MYRIP: variants seen among roughly 807,000 people sequenced by gnomAD.
MYRIP encodes the protein myosin VIIA and Rab interacting protein.
In MYRIP, 49 loss-of-function variants were observed where a neutral mutation model predicts 98.0. The observed-to-expected ratio is 0.50, with a 90% CI of 0.40 to 0.63. The LOEUF (loss-of-function observed/expected upper bound fraction) is 0.63, where lower values mean the gene tolerates loss of function less well. MYRIP is among the 30% of genes least tolerant of loss of function. The probability of loss-of-function intolerance (pLI) is 0.00; values close to 1 mark genes in which losing one functional copy is unlikely to be tolerated. For missense variants in MYRIP, 1,004 were observed against 1,058.2 expected, an observed-to-expected ratio of 0.95 and a Z score of 0.71; for synonymous variants, 404 against 409.5, an observed-to-expected ratio of 0.99 and a Z score of 0.16.
chr3:40,160,552 C>T (rs536371355), intron 4 of MYRIP, among the ~76,000 whole-genome samples: 1 of 152,320 alleles, frequency 6.6e-6, no homozygotes, highest in African/African-American at 2.4e-5. Context: ...GCTTTGTTTA[C>T]CTAAGTAAGC....
intron 8 of MYRIP, among the ~76,000 whole-genome samples, chr3:40,179,845 C>T (rs1451235429): frequency 1.3e-5 from 2 of 152,196 alleles, no homozygotes; most frequent in African/African-American, 4.8e-5. Flanking sequence ...TAGCCAATCC[C>T]AAGGTACACC....
chr3:40,086,255 C>A (rs1020558570), intron 3 of MYRIP, among the ~76,000 whole-genome samples: 6 of 152,226 alleles, frequency 3.9e-5, no homozygotes, highest in Non-Finnish European at 8.8e-5. Flanking sequence ...ATGACAATAA[C>A]TTCTCACGGT....
At chr3:39,875,763 A>C (rs1259653004) in intron 1 of MYRIP, among the ~76,000 whole-genome samples, 9 of 151,378 alleles carry the variant, frequency 5.9e-5, no homozygotes, top group Non-Finnish European at 1.2e-4. Context: ...ACTTCCAACT[A>C]TGTGGTCAAT....
At chr3:40,078,880 C>CA (rs1247690681) in intron 3 of MYRIP, among the ~76,000 whole-genome samples, 1 of 151,902 alleles carries the variant, frequency 6.6e-6, no homozygotes, top group Non-Finnish European at 1.5e-5. Context: ...TTCCACCTGT[C>CA]AAAACATGAT....
At position 40,208,391 on chromosome 3, in the gene MYRIP, G is replaced by A. The variant is rs1018249368; in HGVS notation, c.1666-1463G>A. 1.3e-4 allele frequency among the ~76,000 whole-genome samples: 20 copies of A among 152,302 alleles called. 1 individual carries two copies. The highest frequency in any genetic ancestry group is 6.5e-5 in the Admixed American group (1 of 15,300). The stretch of plus-strand genomic sequence containing the variant: ...AAGTAAAATTGGGTCCAGTGACCCC[G>A]ATGGTATGCCATATTATGTACATAT... On this transcript the variant is annotated intron_variant, in intron 10 of 16. Coordinates refer to ENST00000302541, the MANE Select transcript of MYRIP (RefSeq NM_015460.4).
intron 2 of MYRIP, among the ~76,000 whole-genome samples, chr3:39,918,230 A>G (rs906378677): frequency 3.3e-5 from 5 of 152,192 alleles, no homozygotes; most frequent in Non-Finnish European, 5.9e-5. Flanking sequence ...TCCATTCTTT[A>G]AAAATCTATA....
rs1161837112 is a variant in MYRIP at position 39,973,388 on chromosome 3, C to T, written c.111-70662C>T. On this transcript the variant is annotated intron_variant, in intron 2 of 16. Transcript: ENST00000302541. ...ATATATGCACCCAATACAGGAGCACCCAGATTCATAAAGCAAGTCCTTAGA... is the reference window on the plus strand; with the variant it reads ...ATATATGCACCCAATACAGGAGCACTCAGATTCATAAAGCAAGTCCTTAGA... Among the ~76,000 whole-genome samples the T allele has an allele frequency of 3.3e-5, 5 of 151,954 alleles. No homozygotes were observed. In the East Asian group the frequency reaches 5.8e-4, roughly 18 times the overall value.
At chr3:40,032,854 C>CA (rs56951317) in intron 2 of MYRIP, among the ~76,000 whole-genome samples, 17 of 152,216 alleles carry the variant, frequency 1.1e-4, no homozygotes, top group African/African-American at 3.9e-4. Flanking sequence ...AGCAGCACAT[C>CA]AAAAAGCTTA....
chr3:40,068,240 A>G (rs934171779), intron 3 of MYRIP, among the ~76,000 whole-genome samples: 1 of 152,232 alleles, frequency 6.6e-6, no homozygotes, highest in African/African-American at 2.4e-5. Flanking sequence ...ACAAAATTAC[A>G]TGAACTTATT....
chr3:39,832,909 T>C (rs777072130), intron 1 of MYRIP, among the ~76,000 whole-genome samples: 96 of 152,310 alleles, frequency 6.3e-4, no homozygotes, highest in Non-Finnish European at 1.1e-3. Context: ...AAGAAATTCA[T>C]TAATGTGGAA....
intron 3 of MYRIP, among the ~76,000 whole-genome samples, chr3:40,046,180 G>A (rs955279028): frequency 2.0e-5 from 3 of 152,050 alleles, no homozygotes; most frequent in Non-Finnish European, 4.4e-5. Context: ...TTTCTGAAAT[G>A]AGAAGAAGGA....
At chr3:39,862,343 A>T (rs1167782524) in intron 1 of MYRIP, among the ~76,000 whole-genome samples, 3 of 152,208 alleles carry the variant, frequency 2.0e-5, no homozygotes, top group African/African-American at 7.2e-5. Context: ...GGGAGTGCTA[A>T]ATATGGAAAG....
chr3:39,839,674 T>C (rs564498300), intron 1 of MYRIP, among the ~76,000 whole-genome samples: 81 of 152,354 alleles, frequency 5.3e-4, no homozygotes, highest in African/African-American at 1.9e-3. Flanking sequence ...GAGTTTCCGG[T>C]ACATTGTGTC....
chr3:39,979,132 TTTTG>T (rs938969856), intron 2 of MYRIP, among the ~76,000 whole-genome samples: 18 of 151,924 alleles, frequency 1.2e-4, no homozygotes, highest in African/African-American at 4.4e-4. Flanking sequence ...ACCAACCCAG[TTTTG>T]TTTGTTTGTT....
chr3:40,139,348 C>T (rs962963742), intron 3 of MYRIP, among the ~76,000 whole-genome samples: 6 of 152,290 alleles, frequency 3.9e-5, no homozygotes, highest in African/African-American at 1.2e-4. Flanking sequence ...ACCACTACTA[C>T]AGTCAAGATA....
At chr3:40,085,052 T>TATATC (rs1948595348) in intron 3 of MYRIP, among the ~76,000 whole-genome samples, 1 of 151,318 alleles carries the variant, frequency 6.6e-6, no homozygotes, top group African/African-American at 2.4e-5. Flanking sequence ...GATAGATATA[T>TATATC]ATCTATGTGT....
rs111459078 is a variant in MYRIP, at chr3:39,864,144, A to G, written c.-30-36643A>G. ...TCAATAAACTAGGCATTGAGGGAAC[A>G]TACTTCAAAATAGTAAGAGCCATCT... On this transcript the variant is annotated intron_variant, in intron 1 of 16. Coordinates refer to ENST00000302541, the MANE Select transcript of MYRIP (RefSeq NM_015460.4). 7.2e-5 allele frequency among the ~76,000 whole-genome samples: 11 copies of G among 152,268 alleles called. 1 individual carries two copies. Among genetic ancestry groups the G allele is most frequent in the African/African-American group, 2.4e-4 (10 of 41,568 alleles).
chr3:39,846,005 C>G (rs1334498576), intron 1 of MYRIP, among the ~76,000 whole-genome samples: 1 of 152,080 alleles, frequency 6.6e-6, no homozygotes. Flanking sequence ...ACTTGCAGAT[C>G]AAATATAAAT....
intron 11 of MYRIP, 121 bp downstream of exon 11, chr3:40,210,214 C>A: frequency 7.9e-7 from 1 of 1,259,508 alleles, no homozygotes; most frequent in Non-Finnish European, 1.1e-6. Flanking sequence ...AAATGCCCAT[C>A]CCTGTGCATT....
Sources: gnomAD v4.1 joint callset for allele counts (sites outside exome capture counted in the v4.1 genomes callset) on GRCh38, gnomAD v4.1.1 for gene constraint, MANE v1.5 for transcripts, NCBI Gene and HGNC (gene_info 2026-07-23, HGNC 2026-07-21) for gene names.